ZNF253: variants seen among roughly 807,000 people sequenced by gnomAD.
The protein encoded by ZNF253 is zinc finger protein 253.
A neutral mutation model predicts 11.9 loss-of-function variants in ZNF253; 8 were observed. The ratio of observed to expected loss-of-function variants is 0.67; its 90% CI spans 0.40 to 1.22. The LOEUF (loss-of-function observed/expected upper bound fraction) is 1.22. ZNF253 is among the 50% of genes most tolerant of loss of function. The probability of loss-of-function intolerance (pLI) is 0.01; values close to 1 mark genes in which losing one functional copy is unlikely to be tolerated. For synonymous variants in ZNF253, 194 were observed against 194.9 expected (o/e 1.00, Z 0.04); for missense variants, 485 against 586.9 (o/e 0.83, Z 1.79).
In ZNF253 at chr19:19,885,169, G is replaced by A. The variant is rs148791421; in HGVS notation, c.226+5023G>A. Among the ~76,000 whole-genome samples, 127 of 150,708 alleles carry A rather than the reference G, an allele frequency of 8.4e-4. 1 individual carries two copies. The highest frequency in any genetic ancestry group is 2.8e-3 in the African/African-American group (116 of 40,786). On this transcript the variant is annotated intron_variant, in intron 3 of 3. Transcript: ENST00000589717. ...ATTTGTTGCTCATACATTTAATGTCGTACCTAAAAAAATGGTGCCAAGACC... is the reference window on the plus strand; with the variant it reads ...ATTTGTTGCTCATACATTTAATGTCATACCTAAAAAAATGGTGCCAAGACC...
At chr19:19,873,899 G>A (rs143180654) in intron 1 of ZNF253, among the ~76,000 whole-genome samples, 1 of 151,632 alleles carries the variant, frequency 6.6e-6, no homozygotes, top group African/African-American at 2.4e-5. Context: ...ATGAACAGAA[G>A]AATTGTTATT....
At chr19:19,877,556 A>G (rs1251611077) in intron 1 of ZNF253, among the ~76,000 whole-genome samples, 1 of 152,018 alleles carries the variant, frequency 6.6e-6, no homozygotes, top group Admixed American at 6.6e-5. Context: ...TGTATTATCA[A>G]TAGAGACGGG....
chr19:19,880,292 T>TTTG lies in ZNF253; in HGVS notation c.226+146_226+147insTTG, dbSNP rs34794238. On this transcript the variant is annotated intron_variant, in intron 3 of 3. Transcript: ENST00000589717. ...GCAGCTGTTTTTTTTTTTTTTTTTT[T>TTTG]CTCCCACAAAGGGGCATCTTCTGTC... 1,105 of 413,770 alleles carry TTTG rather than the reference T, an allele frequency of 2.7e-3. 12 individuals are homozygous for TTTG. Among genetic ancestry groups the TTTG allele is most frequent in the South Asian group, 9.0e-3 (319 of 35,534 alleles). The allele number at this position is 413,770 out of a possible 1,614,324, so 25.6% of individuals were successfully genotyped here.
chr19:19,870,516 A>G (rs909908347), intron 1 of ZNF253, among the ~76,000 whole-genome samples: 1 of 152,170 alleles, frequency 6.6e-6, no homozygotes, highest in African/African-American at 2.4e-5. Context: ...TTAGTCTGAC[A>G]TGTTTATTAC....
chr19:19,870,691 A>G (rs1419471854), intron 1 of ZNF253: 1 of 152,180 alleles, frequency 6.6e-6, no homozygotes, highest in East Asian at 1.9e-4. Flanking sequence ...ATATTCCACT[A>G]TATGAACACA....
intron 3 of ZNF253, among the ~76,000 whole-genome samples, chr19:19,889,138 G>A (rs984912270): frequency 2.0e-5 from 3 of 150,970 alleles, no homozygotes; most frequent in Non-Finnish European, 4.4e-5. Flanking sequence ...ATCTTTTTGT[G>A]TATCCTAGTT....
intron 1 of ZNF253, among the ~76,000 whole-genome samples, chr19:19,868,123 A>T (rs1019885558): frequency 8.6e-5 from 13 of 151,200 alleles, no homozygotes; most frequent in African/African-American, 2.7e-4. Flanking sequence ...AAGTTTGCAA[A>T]TTTTTTTTAT....
intron 1 of ZNF253, among the ~76,000 whole-genome samples, chr19:19,877,380 C>T (rs902738300): frequency 8.3e-5 from 12 of 145,088 alleles, no homozygotes; most frequent in African/African-American, 2.3e-4. Context: ...TCTTCTTCTT[C>T]TTTTTTTTTT....
chr19:19,869,740 G>A (rs952121903), intron 1 of ZNF253, among the ~76,000 whole-genome samples: 4 of 139,316 alleles, frequency 2.9e-5, no homozygotes, highest in African/African-American at 1.1e-4. Flanking sequence ...TGTAATCTTG[G>A]CTCACTGCAA....
intron 3 of ZNF253, among the ~76,000 whole-genome samples, chr19:19,883,571 T>A (rs914196038): frequency 2.0e-5 from 3 of 151,568 alleles, no homozygotes; most frequent in Non-Finnish European, 2.9e-5. Context: ...TGAGACCCTG[T>A]CTCAAAAAAA....
At chr19:19,885,340 TTC>T (rs2063200847) in intron 3 of ZNF253, among the ~76,000 whole-genome samples, 1 of 73,668 alleles carries the variant, frequency 1.4e-5, no homozygotes, top group African/African-American at 1.6e-4. Context: ...CTTTCTTTCT[TTC>T]TTTCTTTCTT....
rs1332505229 is a variant in ZNF253, at chr19:19,885,249, TTCTTTCTTTC to T, written c.226+5105_226+5114del. Among the ~76,000 whole-genome samples the T allele has an allele frequency of 1.4e-4, 9 of 65,872 alleles. 2 individuals carry two copies. Among genetic ancestry groups the T allele is most frequent in the Admixed American group, 1.6e-4 (1 of 6,270 alleles). 43.2% of individuals were successfully genotyped at this position (65,872 alleles called of 152,430 possible). A position where few individuals can be genotyped will look rare whatever the true frequency, so the allele number is the denominator to read the frequency against. ...TTTCTTTCTTTCTTTCTTTCTTTCT[TTCTTTCTTTC>T]TTTCTTTCTTTCTTTCTTTCTTTCT... On this transcript the variant is annotated intron_variant, in intron 3 of 3. Coordinates refer to ENST00000589717, the MANE Select transcript of ZNF253 (RefSeq NM_021047.3).
intron 1 of ZNF253, 68 bp from the exon 2 acceptor site, chr19:19,878,413 C>G (rs948246485): frequency 1.2e-6 from 2 of 1,609,416 alleles, no homozygotes; most frequent in Non-Finnish European, 1.7e-6. Context: ...TCTCTAATTT[C>G]ACCTTAAGTC....
At position 19,892,554 on chromosome 19, in the gene ZNF253, C is replaced by T; in HGVS notation, c.1307C>T (p.Ser436Phe). 4 of 1,613,540 alleles carry T rather than the reference C, an allele frequency of 2.5e-6. No homozygotes were observed. Among genetic ancestry groups the T allele is most frequent in the Non-Finnish European group, 2.5e-6 (3 of 1,179,848 alleles). The change falls in exon 4 of 4, where the codon TCC (serine) becomes TTC (phenylalanine). Residue 436 changes from serine to phenylalanine, a missense_variant. Physicochemically the swap from Ser to Phe is radical, Grantham distance 155 (BLOSUM62 -2). This residue lies in a region of ZNF253 where 232 missense variants were observed against 321.4 expected (regional missense o/e 0.72). Transcript: ENST00000589717. ...CEECGKSFTA[S>F]STLTTHKRIH... The stretch of plus-strand genomic sequence containing the variant: ...GAATGTGGCAAATCCTTTACTGCAT[C>T]CTCAACTCTAACTACACATAAGAGA...
chr19:19,892,046 C>A lies in ZNF253; in HGVS notation c.799C>A (p.Arg267=), dbSNP rs200428819. Residue 267 remains arginine (R), a synonymous_variant, in exon 4 of 4, where the codon CGA becomes AGA. Transcript: ENST00000589717. ...KCEECGKAFN[R]STDLTTHKIV... ...TGAAGAATGTGGCAAAGCCTTCAAC[C>A]GATCCACAGACCTTACTACACATAA... The A allele has an allele frequency of 6.2e-7, 1 of 1,613,328 alleles. No individual in the cohort carries two copies. The highest frequency in any genetic ancestry group is 8.5e-7 in the Non-Finnish European group (1 of 1,179,850).
rs184382009 is a variant in ZNF253 at position 19,893,781 on chromosome 19, C to T, written c.*1034C>T. The T allele has an allele frequency of 2.6e-5, 4 of 152,234 alleles. No homozygotes were observed. The highest frequency in any genetic ancestry group is 9.6e-5 in the African/African-American group (4 of 41,552). 9.4% of individuals were successfully genotyped at this position (152,234 alleles called of 1,614,324 possible). A position where few individuals can be genotyped will look rare whatever the true frequency, so the allele number is the denominator to read the frequency against. ...TGAAGAATATTTATTCTGAAGACAGCCATTACAAATATAAAGGGGGTTGTA... is the reference window on the plus strand; with the variant it reads ...TGAAGAATATTTATTCTGAAGACAGTCATTACAAATATAAAGGGGGTTGTA... On this transcript the variant is annotated 3_prime_UTR_variant, in exon 4 of 4. Coordinates refer to ENST00000589717, the MANE Select transcript of ZNF253 (RefSeq NM_021047.3).
chr19:19,891,023 G>A (rs565181822), intron 3 of ZNF253, among the ~76,000 whole-genome samples: 2 of 148,652 alleles, frequency 1.3e-5, no homozygotes, highest in Non-Finnish European at 2.9e-5. Flanking sequence ...TGTATTTTTA[G>A]TAGAGACAAG....
intron 1 of ZNF253, among the ~76,000 whole-genome samples, chr19:19,874,157 G>A (rs1004005261): frequency 1.9e-4 from 29 of 151,614 alleles, no homozygotes; most frequent in South Asian, 4.2e-4. Context: ...TGGTCTGCCC[G>A]CCTCGGCCTC....
At chr19:19,885,265 T>TGC (rs1568498685) in intron 3 of ZNF253, among the ~76,000 whole-genome samples, 1 of 67,906 alleles carries the variant, frequency 1.5e-5, no homozygotes, top group Non-Finnish European at 2.3e-5. Flanking sequence ...CTTTCTTTCT[T>TGC]TCTTTCTTTC....
Sources: gnomAD v4.1 joint callset for allele counts (sites outside exome capture counted in the v4.1 genomes callset) on GRCh38, gnomAD v4.1.1 for gene constraint, gnomAD v4.1.1 regional missense constraint, MANE v1.5 for transcripts, NCBI Gene and HGNC (gene_info 2026-07-23, HGNC 2026-07-21) for gene names.